Variants in ASIP observed in about 807,000 individuals in gnomAD.
ASIP encodes the protein agouti-signaling protein.
Under a neutral mutation model 10.3 loss-of-function variants are expected in ASIP, and 11 were observed. That is an observed-to-expected ratio of 1.07 (90% CI 0.68 to 1.78). ASIP has a LOEUF of 1.78. Among genes scored for constraint, ASIP ranks in the 40% most tolerant of loss-of-function variants. ASIP has a pLI of 0.00. For synonymous variants in ASIP, 70 were observed against 70.8 expected, an observed-to-expected ratio of 0.99 and a Z score of 0.06; for missense variants, 180 against 169.2, an observed-to-expected ratio of 1.06 and a Z score of -0.35.
intron 1 of ASIP, among the ~76,000 whole-genome samples, chr20:34,236,153 G>A (rs968891583): frequency 6.6e-6 from 1 of 151,532 alleles, no homozygotes; most frequent in Non-Finnish European, 1.5e-5. Flanking sequence ...GGAGAAAGGA[G>A]GGAGGGAGGG....
intron 1 of ASIP, chr20:34,215,418 C>A: frequency 6.5e-7 from 1 of 1,538,172 alleles, no homozygotes; most frequent in Middle Eastern, 1.7e-4. Context: ...ATGTATGCAC[C>A]ACATCACGAT....
chr20:34,241,871 G>C (rs2035288709), intron 1 of ASIP, among the ~76,000 whole-genome samples: 1 of 152,180 alleles, frequency 6.6e-6, no homozygotes, highest in South Asian at 2.1e-4. Context: ...CTCTTACAGA[G>C]CAGAATTTAG....
At chr20:34,223,583 CGGGA>C (rs2035070235) in intron 1 of ASIP, among the ~76,000 whole-genome samples, 1 of 146,038 alleles carries the variant, frequency 6.8e-6, no homozygotes, top group African/African-American at 2.7e-5. Flanking sequence ...CCGTGCCCTC[CGGGA>C]GGGAGGTGGG....
At chr20:34,211,101 C>T (rs1042322951) in intron 1 of ASIP, among the ~76,000 whole-genome samples, 2 of 152,158 alleles carry the variant, frequency 1.3e-5, no homozygotes, top group South Asian at 4.1e-4. Flanking sequence ...TTGATTATAG[C>T]TCACTGCAAC....
chr20:34,207,946 C>T (rs1046889534), intron 1 of ASIP, among the ~76,000 whole-genome samples: 19 of 151,956 alleles, frequency 1.3e-4, no homozygotes, highest in Admixed American at 7.2e-4. Flanking sequence ...CCCACCACCA[C>T]GCCTGGCTGA....
chr20:34,224,843 CTT>C (rs1356675686), intron 1 of ASIP, among the ~76,000 whole-genome samples: 1 of 149,742 alleles, frequency 6.7e-6, no homozygotes, highest in Non-Finnish European at 1.5e-5. Flanking sequence ...ATGACCAAGA[CTT>C]TTTCTCTTTC....
intron 1 of ASIP, among the ~76,000 whole-genome samples, chr20:34,251,556 G>A (rs1053919278): frequency 5.3e-5 from 8 of 152,166 alleles, no homozygotes; most frequent in Admixed American, 1.3e-4. Flanking sequence ...TTACAGGCAT[G>A]AGCCACCGCG....
chr20:34,232,708 T>A (rs1172712002), intron 1 of ASIP, among the ~76,000 whole-genome samples: 2 of 152,238 alleles, frequency 1.3e-5, no homozygotes, highest in Admixed American at 6.5e-5. Context: ...TAAAACATAG[T>A]TGTGCCAGTC....
In ASIP at chr20:34,268,986, C is replaced by T; in HGVS notation, c.223-5C>T. The T allele has an allele frequency of 6.2e-7, 1 of 1,600,186 alleles. No homozygotes were observed. Among genetic ancestry groups the T allele is most frequent in the Non-Finnish European group, 8.5e-7 (1 of 1,173,970 alleles). On this transcript the variant is annotated splice_region_variant and splice_polypyrimidine_tract_variant and intron_variant, in intron 3 of 3. Transcript: ENST00000374954. Reference sequence around the variant, plus strand: ...GCTCATAAAGCCCCGGCGTTTCCCACGCAGAAGGAGGCTTCGATGAAGAAA... The same window carrying T: ...GCTCATAAAGCCCCGGCGTTTCCCATGCAGAAGGAGGCTTCGATGAAGAAA...
At chr20:34,215,369 TG>T in intron 1 of ASIP, 15 of 1,573,220 alleles carry the variant, frequency 9.5e-6, no homozygotes, top group Non-Finnish European at 1.3e-5. Flanking sequence ...TGTTCCCTCA[TG>T]GTATCTTTTA....
intron 1 of ASIP, among the ~76,000 whole-genome samples, chr20:34,224,459 G>A (rs944347989): frequency 9.2e-5 from 14 of 151,646 alleles, no homozygotes; most frequent in Non-Finnish European, 1.9e-4. Context: ...AAACAGGACT[G>A]TTGAGTGGCT....
intron 1 of ASIP, among the ~76,000 whole-genome samples, chr20:34,210,062 G>A (rs1024523609): frequency 1.3e-5 from 2 of 152,226 alleles, no homozygotes; most frequent in Admixed American, 1.3e-4. Flanking sequence ...CCTCCTCTGA[G>A]CTATTTTGTC....
intron 1 of ASIP, among the ~76,000 whole-genome samples, chr20:34,209,654 C>T (rs951015162): frequency 6.6e-6 from 1 of 152,224 alleles, no homozygotes; most frequent in African/African-American, 2.4e-5. Flanking sequence ...TGTGTGCATA[C>T]ACTTGGGGCA....
chr20:34,248,651 T>C (rs1288544784), intron 1 of ASIP, among the ~76,000 whole-genome samples: 2 of 151,676 alleles, frequency 1.3e-5, no homozygotes, highest in African/African-American at 4.8e-5. Flanking sequence ...AAAAAAATAA[T>C]TGGCCTGGTG....
chr20:34,234,447 G>A (rs975732539), intron 1 of ASIP, among the ~76,000 whole-genome samples: 2 of 152,152 alleles, frequency 1.3e-5, no homozygotes, highest in African/African-American at 4.8e-5. Flanking sequence ...CAGGCATCCA[G>A]TGGGCGCTAT....
At chr20:34,233,478 A>G (rs2035139135) in intron 1 of ASIP, among the ~76,000 whole-genome samples, 1 of 152,124 alleles carries the variant, frequency 6.6e-6, no homozygotes, top group Non-Finnish European at 1.5e-5. Flanking sequence ...CATTTTGCTA[A>G]GTGAAGGAAG....
chr20:34,187,124 G>A, the ASIP span, among the ~76,000 whole-genome samples: 2 of 152,174 alleles, frequency 1.3e-5, no homozygotes, highest in Non-Finnish European at 2.9e-5. Context: ...AGTAGTCTTT[G>A]GGAATGCCCT....
chr20:34,234,623 G>A (rs751276947), intron 1 of ASIP, among the ~76,000 whole-genome samples: 5 of 151,776 alleles, frequency 3.3e-5, no homozygotes, highest in Non-Finnish European at 7.4e-5. Flanking sequence ...CCAACATGGC[G>A]AAACCCCATC....
At chr20:34,240,958 A>G (rs551192683), upstream of ASIP, among the ~76,000 whole-genome samples, 1 of 152,242 alleles carries the variant, frequency 6.6e-6, no homozygotes, top group South Asian at 2.1e-4. Flanking sequence ...AAGCAAAGAG[A>G]TGAGGTGGGG....
Sources: gnomAD v4.1 joint callset for allele counts (sites outside exome capture counted in the v4.1 genomes callset) on GRCh38, gnomAD v4.1.1 for gene constraint, MANE v1.5 for transcripts, NCBI Gene and HGNC (gene_info 2026-07-23, HGNC 2026-07-21) for gene names.